The following ALPK3 variants were observed in gnomAD, a reference collection of about 807,000 sequenced individuals.
ALPK3 encodes the protein alpha-protein kinase 3.
In ALPK3, 102 loss-of-function variants were observed where a neutral mutation model predicts 140.0. The observed-to-expected ratio is 0.73, with a 90% CI of 0.62 to 0.86. ALPK3 has a LOEUF of 0.86. Ranked by LOEUF, ALPK3 falls within the 40% of genes least tolerant of loss-of-function variation. ALPK3 has a pLI of 0.00. For missense variants in ALPK3, 2,254 were observed against 2,208.2 expected (o/e 1.02, Z -0.42); for synonymous variants, 938 against 898.5 (o/e 1.04, Z -0.79).
chr15:84,847,260 A>T (rs1963743848), intron 5 of ALPK3, among the ~76,000 whole-genome samples: 2 of 149,926 alleles, frequency 1.3e-5, no homozygotes, highest in Non-Finnish European at 3.0e-5. Context: ...GAATCAGAAA[A>T]ATCAATGAAC....
At position 84,827,135 on chromosome 15, in the gene ALPK3, T is replaced by G. The variant is rs80259204; in HGVS notation, c.183-349T>G. ...CCTACTTATCTGTGTGTCTCCCTCA[T>G]GCACCAGTGTCCCTGGAGATGAAAG... On this transcript the variant is annotated intron_variant, in intron 2 of 13. Coordinates refer to ENST00000258888, the MANE Select transcript of ALPK3 (RefSeq NM_020778.5). Among the ~76,000 whole-genome samples, 711 of 152,336 alleles carry G rather than the reference T, an allele frequency of 4.7e-3. 7 individuals are homozygous for G. The highest frequency in any genetic ancestry group is 0.014 in the African/African-American group (597 of 41,572).
At position 84,859,733 on chromosome 15, in the gene ALPK3, C is replaced by T. The variant is rs1367990077; in HGVS notation, c.3966-43C>T. The stretch of plus-strand genomic sequence containing the variant: ...CAAGGACGCTTAGGACCACAGTCTG[C>T]CCCCATGCCATGGCCCTCACGAGTA... On this transcript the variant is annotated intron_variant, in intron 7 of 13. Coordinates refer to ENST00000258888, the MANE Select transcript of ALPK3 (RefSeq NM_020778.5). 5 of 1,579,312 alleles carry T rather than the reference C, an allele frequency of 3.2e-6. No homozygotes were observed. In the African/African-American group the frequency reaches 5.4e-5, roughly 17 times the overall value.
rs1268311197 is a variant in ALPK3 at position 84,871,750 on chromosome 15, A to G, written c.*3294A>G. ...AACCATTTCACCACCCTCTCAAGAC[A>G]GCTGCTGCTGGTTTGTGGGTTCCTG... On this transcript the variant is annotated 3_prime_UTR_variant, in exon 14 of 14. Transcript: ENST00000258888. 6.6e-6 allele frequency: 1 copy of G among 152,240 alleles called. No individual in the cohort carries two copies. The highest frequency in any genetic ancestry group is 2.4e-5 in the African/African-American group (1 of 41,472). 9.4% of individuals were successfully genotyped at this position (152,240 alleles called of 1,614,324 possible).
rs1357155889 is a variant in ALPK3, at chr15:84,858,313, C to T, written c.3575C>T (p.Ser1192Phe). The T allele has an allele frequency of 4.5e-6, 7 of 1,566,102 alleles. No individual in the cohort carries two copies. The highest frequency in any genetic ancestry group is 6.1e-6 in the Non-Finnish European group (7 of 1,155,670). ...GAAGAAAGGGAGAGCCCCACGGTTT[C>T]CCCCCGGGGGCCCAGGAAAAGCCTG... ...TPEERESPTV[S>F]PRGPRKSLVP... is the part of the protein sequence containing the mutation. The change falls in exon 6 of 14, where the codon TCC becomes TTC. Residue 1192 changes from serine (S) to phenylalanine (F), a missense_variant. Ser to Phe is a radical substitution (Grantham distance 155). Transcript: ENST00000258888.
At chr15:84,849,709 A>C (rs1429704683) in intron 5 of ALPK3, among the ~76,000 whole-genome samples, 1 of 152,212 alleles carries the variant, frequency 6.6e-6, no homozygotes, top group Non-Finnish European at 1.5e-5. Context: ...AAATTGAATG[A>C]AAGTGAAAAT....
In ALPK3 at chr15:84,859,493, C is replaced by T. The variant is rs766499238; in HGVS notation, c.3965+103C>T. ...GAACCTATCGCCTCATTAATCCTCA[C>T]AATAACCAGGGGAGGTCCTTTTATT... On this transcript the variant is annotated intron_variant, in intron 7 of 13. Transcript: ENST00000258888. The T allele has an allele frequency of 2.1e-5, 30 of 1,450,508 alleles. No individual in the cohort carries two copies. The East Asian group carries it at 6.5e-4, about 31-fold the overall frequency. 89.9% of individuals were successfully genotyped at this position (1,450,508 alleles called of 1,614,324 possible).
Position 84,856,847 on chromosome 15 carries a change from G to C in ALPK3, c.2109G>C (p.Gly703=), listed in dbSNP as rs1374187352. 6.2e-7 allele frequency: 1 copy of C among 1,614,084 alleles called. No homozygotes were observed. Among genetic ancestry groups the C allele is most frequent in the Non-Finnish European group, 8.5e-7 (1 of 1,180,014 alleles). ...QEDRRMQGEK[G]MQGEKGTQSE... The stretch of plus-strand genomic sequence containing the variant: ...ACAGAAGGATGCAGGGAGAGAAGGG[G>C]ATGCAGGGAGAGAAGGGGACGCAGT... The change falls in exon 6 of 14, where the codon GGG becomes GGC. Residue 703 remains glycine (G), a synonymous_variant. Coordinates refer to ENST00000258888, the MANE Select transcript of ALPK3 (RefSeq NM_020778.5).
rs2289138 is a variant in ALPK3 at position 84,864,333 on chromosome 15, A to C, written c.4500-109A>C. 0.83 allele frequency: 955,345 copies of C among 1,151,606 alleles called. 397,733 individuals are homozygous for C. Among genetic ancestry groups the C allele is most frequent in the East Asian group, 0.95 (39,389 of 41,328 alleles). The allele number at this position is 1,151,606 out of a possible 1,614,324, so 71.3% of individuals were successfully genotyped here. ...TCCTTTGGGCTCGGAGCTGAGAATT[A>C]CATTCTTGGAAGGGCCCTTCTTTTA... On this transcript the variant is annotated intron_variant, in intron 11 of 13. Transcript: ENST00000258888.
intron 9 of ALPK3, among the ~76,000 whole-genome samples, chr15:84,861,725 G>A (rs1963947765): frequency 1.3e-5 from 2 of 152,166 alleles, no homozygotes; most frequent in African/African-American, 4.8e-5. Flanking sequence ...GTTCCAACAG[G>A]AAATGAAGGA....
In ALPK3 at chr15:84,856,470, A is replaced by G. The variant is rs1323137081; in HGVS notation, c.1732A>G (p.Thr578Ala). ...SSDVASIGVSTSGSQGIIEPM... is the reference protein window; with the variant it reads ...SSDVASIGVSASGSQGIIEPM... Reference sequence around the variant, plus strand: ...TGATGTAGCCTCCATTGGGGTTAGCACTTCCGGAAGTCAAGGTATCATTGA... The same window carrying G: ...TGATGTAGCCTCCATTGGGGTTAGCGCTTCCGGAAGTCAAGGTATCATTGA... The change falls in exon 6 of 14, where the codon ACT (threonine) becomes GCT (alanine). Residue 578 changes from threonine (T) to alanine (A), a missense_variant. Thr to Ala is a moderately conservative substitution (Grantham distance 58). Coordinates refer to ENST00000258888, the MANE Select transcript of ALPK3 (RefSeq NM_020778.5). 6.2e-7 allele frequency: 1 copy of G among 1,614,114 alleles called. No individual in the cohort carries two copies. The highest frequency in any genetic ancestry group is 1.1e-5 in the South Asian group (1 of 91,066).
chr15:84,862,711 C>G lies in ALPK3; in HGVS notation c.4206C>G (p.Leu1402=), dbSNP rs1269024716. Residue 1402 remains leucine, a synonymous_variant, in exon 10 of 14, where the codon CTC becomes CTG. Coordinates refer to ENST00000258888, the MANE Select transcript of ALPK3 (RefSeq NM_020778.5). ...ACTCTGGCTGCTGGGGGGACAAGCT[C>G]TTTGGGCGACTGGTAAGCGAGGAGC... is the stretch of plus-strand genomic sequence containing the variant. ...LADSGCWGDK[L]FGRLVSEELR... 6.2e-7 allele frequency: 1 copy of G among 1,614,046 alleles called. No homozygotes were observed. Among genetic ancestry groups the G allele is most frequent in the Non-Finnish European group, 8.5e-7 (1 of 1,180,034 alleles).
intron 1 of ALPK3, 44 bp downstream of exon 1, chr15:84,817,639 C>T: frequency 1.4e-6 from 2 of 1,461,774 alleles, no homozygotes; most frequent in South Asian, 1.3e-5. Context: ...CCGGCGATGC[C>T]CTGGGATCAG....
chr15:84,840,365 C>A lies in ALPK3; in HGVS notation c.1086C>A (p.Gly362=). Reference sequence around the variant, plus strand: ...CCTGTGGGACTCAGGGGCCCGTGGGCGTGGAGCAGGTTCAGACCCAGCCCA... The same window carrying A: ...CCTGTGGGACTCAGGGGCCCGTGGGAGTGGAGCAGGTTCAGACCCAGCCCA... ...PDSCGTQGPV[G]VEQVQTQPRG... The change falls in exon 5 of 14, where the codon GGC becomes GGA. Residue 362 remains glycine, a synonymous_variant. Coordinates refer to ENST00000258888, the MANE Select transcript of ALPK3 (RefSeq NM_020778.5). 1 of 1,613,422 alleles carries A rather than the reference C, an allele frequency of 6.2e-7. No individual in the cohort carries two copies. Among genetic ancestry groups the A allele is most frequent in the Non-Finnish European group, 8.5e-7 (1 of 1,179,722 alleles).
At chr15:84,846,833 C>T (rs537354040) in intron 5 of ALPK3, among the ~76,000 whole-genome samples, 8 of 152,238 alleles carry the variant, frequency 5.3e-5, no homozygotes, top group African/African-American at 1.4e-4. Context: ...GGCATGATCT[C>T]GGTTCACTGC....
chr15:84,838,954 A>G (rs779023652), intron 3 of ALPK3, 26 bp from the exon 4 acceptor site: 1 of 1,603,822 alleles, frequency 6.2e-7, no homozygotes, highest in South Asian at 1.1e-5. Flanking sequence ...GCCTTGCTGT[A>G]ACCCAGTCTC....
In ALPK3 at chr15:84,858,376, G is replaced by GCTCC. The variant is rs756970868; in HGVS notation, c.3640_3643dup (p.Pro1215LeufsTer42). 10 of 1,553,456 alleles carry GCTCC rather than the reference G, an allele frequency of 6.4e-6. No individual in the cohort carries two copies. The highest frequency in any genetic ancestry group is 1.4e-5 in the African/African-American group (1 of 73,516). ...CCAGGGACTCCAGGGCGGGAGAGAC[G>GCTCC]CTCCCCTACGCAGGGCAGAAAGGCG... On this transcript the variant is annotated frameshift_variant, in exon 6 of 14. Transcript: ENST00000258888. LOFTEE classifies it high-confidence loss of function.
At position 84,868,347 on chromosome 15, in the gene ALPK3, G is replaced by A. The variant is rs1327975539; in HGVS notation, c.5009G>A (p.Ser1670Asn). Reference sequence around the variant, plus strand: ...CCTAGTCCTCAGGGCACCCGGAAGAGTGCTCCAAGTTCCAAGGCCACCCCT... The same window carrying A: ...CCTAGTCCTCAGGGCACCCGGAAGAATGCTCCAAGTTCCAAGGCCACCCCT... ...GLPSPQGTRKSAPSSKATPQA... is the reference protein window; with the variant it reads ...GLPSPQGTRKNAPSSKATPQA... Residue 1670 changes from serine (S) to asparagine (N), a missense_variant, in exon 14 of 14, where the codon AGT becomes AAT. Transcript: ENST00000258888. 40 of 1,614,088 alleles carry A rather than the reference G, an allele frequency of 2.5e-5. No homozygotes were observed. The highest frequency in any genetic ancestry group is 3.4e-5 in the Non-Finnish European group (40 of 1,180,014).
chr15:84,836,952 G>C (rs998574261), intron 3 of ALPK3, among the ~76,000 whole-genome samples: 1 of 152,154 alleles, frequency 6.6e-6, no homozygotes, highest in Non-Finnish European at 1.5e-5. Flanking sequence ...CAGAAAGAGC[G>C]GTGTCCTAGA....
intron 5 of ALPK3, among the ~76,000 whole-genome samples, chr15:84,845,031 T>C (rs1174619357): frequency 6.6e-6 from 1 of 152,178 alleles, no homozygotes; most frequent in Non-Finnish European, 1.5e-5. Flanking sequence ...TTAGGCAAAA[T>C]GTATAATACA....
Sources: allele counts gnomAD v4.1 joint callset (sites outside exome capture counted in the v4.1 genomes callset), GRCh38; gene constraint gnomAD v4.1.1; transcripts MANE v1.5; gene names NCBI Gene and HGNC (gene_info 2026-07-23, HGNC 2026-07-21).